The following SLCO5A1 variants were observed in gnomAD, a reference collection of about 807,000 sequenced individuals.
The protein encoded by SLCO5A1 is solute carrier organic anion transporter family member 5A1.
SLCO5A1 carries 39 observed loss-of-function variants against 65.1 expected under a neutral mutation model. The ratio of observed to expected loss-of-function variants is 0.60; its 90% confidence interval spans 0.46 to 0.78. SLCO5A1 has a LOEUF of 0.78. SLCO5A1 is among the 30% of genes least tolerant of loss of function. The pLI is 0.00. For synonymous variants in SLCO5A1, 438 were observed against 415.7 expected (o/e 1.05, Z -0.65); for missense variants, 1,029 against 1,069.4 (o/e 0.96, Z 0.53).
chr8:69,772,578 G>A (rs1422534857), intron 2 of SLCO5A1, among the ~76,000 whole-genome samples: 1 of 89,756 alleles, frequency 1.1e-5, no homozygotes, highest in Non-Finnish European at 2.3e-5. Context: ...GGAAAGGAAA[G>A]GAAAGGAAAG....
At chr8:69,770,032 T>C (rs913674017) in intron 2 of SLCO5A1, among the ~76,000 whole-genome samples, 3 of 152,242 alleles carry the variant, frequency 2.0e-5, no homozygotes, top group Middle Eastern at 3.2e-3. Context: ...TCATCTACTG[T>C]ATAAACTTTT....
intron 2 of SLCO5A1, among the ~76,000 whole-genome samples, chr8:69,793,001 C>T (rs774993983): frequency 2.0e-5 from 3 of 151,496 alleles, no homozygotes; most frequent in African/African-American, 7.3e-5. Flanking sequence ...TGTTTTGAGA[C>T]GGAATCTCAC....
chr8:69,668,050 T>G lies in SLCO5A1; in HGVS notation c.*4819A>C, dbSNP rs1305180081. Reference sequence around the variant, plus strand: ...ATACTTTTTAGCACCAAGGCATTTTTTTTAATGTTGCAAAAGCAAACACCT... The same window carrying G: ...ATACTTTTTAGCACCAAGGCATTTTGTTTAATGTTGCAAAAGCAAACACCT... On this transcript the variant is annotated 3_prime_UTR_variant, in exon 10 of 10. Coordinates refer to ENST00000260126, the MANE Select transcript of SLCO5A1 (RefSeq NM_030958.3). The G allele has an allele frequency of 1.3e-5, 2 of 152,242 alleles. No individual in the cohort carries two copies. The highest frequency in any genetic ancestry group is 2.9e-5 in the Non-Finnish European group (2 of 68,048). The allele number at this position is 152,242 out of a possible 1,614,324, so 9.4% of individuals were successfully genotyped here.
intron 5 of SLCO5A1, among the ~76,000 whole-genome samples, chr8:69,717,252 T>G (rs1187886941): frequency 6.6e-6 from 1 of 152,220 alleles, no homozygotes; most frequent in African/African-American, 2.4e-5. Context: ...GGCTTTCGAT[T>G]TATTTTCAGT....
At chr8:69,690,996 A>G (rs186072271) in intron 6 of SLCO5A1, among the ~76,000 whole-genome samples, 1 of 152,366 alleles carries the variant, frequency 6.6e-6, no homozygotes, top group Admixed American at 6.5e-5. Flanking sequence ...CAGACATCAG[A>G]CTTAACCCCA....
chr8:69,693,286 A>AT (rs1195853137), intron 6 of SLCO5A1, among the ~76,000 whole-genome samples: 3 of 152,202 alleles, frequency 2.0e-5, no homozygotes, highest in Non-Finnish European at 4.4e-5. Context: ...CTAATAACAC[A>AT]TCAGGTTCAT....
At chr8:69,686,071 C>T (rs1377370924) in intron 6 of SLCO5A1, among the ~76,000 whole-genome samples, 3 of 149,072 alleles carry the variant, frequency 2.0e-5, no homozygotes, top group African/African-American at 5.2e-5. Context: ...ACTTCTACTA[C>T]ATACTTCTAC....
At chr8:69,799,054 T>C (rs534404703) in intron 2 of SLCO5A1, among the ~76,000 whole-genome samples, 30 of 152,354 alleles carry the variant, frequency 2.0e-4, no homozygotes, top group African/African-American at 7.0e-4. Flanking sequence ...GTTTGAAATA[T>C]GATTTAAGCA....
chr8:69,770,518 C>T (rs1447246023), intron 2 of SLCO5A1, among the ~76,000 whole-genome samples: 2 of 152,108 alleles, frequency 1.3e-5, no homozygotes, highest in African/African-American at 4.8e-5. Context: ...CACATATACA[C>T]ACCCGCCCCT....
At chr8:69,707,974 C>A (rs76245992) in intron 5 of SLCO5A1, among the ~76,000 whole-genome samples, 11,682 of 152,116 alleles carry the variant, frequency 0.077, 449 homozygotes, top group East Asian at 0.086. Context: ...AAAGAGCTGG[C>A]TGGGGGATTT....
chr8:69,824,659 C>T (rs1485224881), intron 2 of SLCO5A1, among the ~76,000 whole-genome samples: 1 of 152,048 alleles, frequency 6.6e-6, no homozygotes, highest in East Asian at 1.9e-4. Context: ...AAAAAGAGTC[C>T]AGGACCAGAT....
In SLCO5A1 at chr8:69,809,051, C is replaced by G. The variant is rs146060749; in HGVS notation, c.907+22716G>C. Among the ~76,000 whole-genome samples, 227 of 152,280 alleles carry G rather than the reference C, an allele frequency of 1.5e-3. 1 individual carries two copies. The highest frequency in any genetic ancestry group is 5.2e-3 in the African/African-American group (217 of 41,576). On this transcript the variant is annotated intron_variant, in intron 2 of 9. Coordinates refer to ENST00000260126, the MANE Select transcript of SLCO5A1 (RefSeq NM_030958.3). ...CCTAGGAGGAAGAGGTTGCAGTAAGCTGAGATAGCACCATTGCACTCCAGC... is the reference window on the plus strand; with the variant it reads ...CCTAGGAGGAAGAGGTTGCAGTAAGGTGAGATAGCACCATTGCACTCCAGC...
At chr8:69,825,481 A>T (rs1586840485) in intron 2 of SLCO5A1, among the ~76,000 whole-genome samples, 1 of 152,214 alleles carries the variant, frequency 6.6e-6, no homozygotes, top group East Asian at 1.9e-4. Flanking sequence ...CTTATACACC[A>T]ATAACAGACA....
At chr8:69,772,562 GAGAAA>G (rs1818365480) in intron 2 of SLCO5A1, among the ~76,000 whole-genome samples, 1 of 95,150 alleles carries the variant, frequency 1.1e-5, no homozygotes. Flanking sequence ...AGGGAGGGAG[GAGAAA>G]GGAAAGGAAA....
chr8:69,723,527 A>G (rs1815925887), intron 5 of SLCO5A1, among the ~76,000 whole-genome samples: 1 of 152,152 alleles, frequency 6.6e-6, no homozygotes, highest in Non-Finnish European at 1.5e-5. Context: ...CTAGGATTAC[A>G]AACATGAGCC....
rs1164478085 is a variant in SLCO5A1, at chr8:69,671,940, C to T, written c.*929G>A. 1 of 152,154 alleles carries T rather than the reference C, an allele frequency of 6.6e-6. No individual in the cohort carries two copies. Among genetic ancestry groups the T allele is most frequent in the Non-Finnish European group, 1.5e-5 (1 of 68,010 alleles). The allele number at this position is 152,154 out of a possible 1,614,324, so 9.4% of individuals were successfully genotyped here. On this transcript the variant is annotated 3_prime_UTR_variant, in exon 10 of 10. Transcript: ENST00000260126. ...GTGCTTTCAAGATGTAACTAAAATACTCAGGTGGGACTTTTCCCAGTGACT... is the reference window on the plus strand; with the variant it reads ...GTGCTTTCAAGATGTAACTAAAATATTCAGGTGGGACTTTTCCCAGTGACT...
intron 5 of SLCO5A1, among the ~76,000 whole-genome samples, chr8:69,723,741 G>A (rs1020392333): frequency 2.0e-5 from 3 of 150,832 alleles, no homozygotes; most frequent in African/African-American, 7.3e-5. Flanking sequence ...AATAGGATAG[G>A]TGCTCATTCG....
intron 6 of SLCO5A1, among the ~76,000 whole-genome samples, chr8:69,686,453 G>T (rs559408218): frequency 6.6e-6 from 1 of 151,988 alleles, no homozygotes; most frequent in Non-Finnish European, 1.5e-5. Flanking sequence ...TATTATCATC[G>T]TCATAATCAT....
intron 2 of SLCO5A1, among the ~76,000 whole-genome samples, chr8:69,803,263 A>G (rs1432362559): frequency 1.3e-5 from 2 of 152,152 alleles, no homozygotes; most frequent in Non-Finnish European, 2.9e-5. Flanking sequence ...TAAAAATACA[A>G]AAAATTTTCT....
Sources: gnomAD v4.1 joint callset for allele counts (sites outside exome capture counted in the v4.1 genomes callset) on GRCh38, gnomAD v4.1.1 for gene constraint, MANE v1.5 for transcripts, NCBI Gene and HGNC (gene_info 2026-07-23, HGNC 2026-07-21) for gene names.